Variants in ELAPOR1 observed in about 807,000 individuals in gnomAD.
ELAPOR1 encodes endosome-lysosome associated apoptosis and autophagy regulator 1.
Under a neutral mutation model 119.7 loss-of-function variants are expected in ELAPOR1, and 77 were observed. The ratio of observed to expected loss-of-function variants is 0.64; its 90% confidence interval spans 0.54 to 0.78. The LOEUF (loss-of-function observed/expected upper bound fraction) is 0.78. Among genes scored for constraint, ELAPOR1 ranks in the 30% least tolerant of loss-of-function variants. ELAPOR1 has a pLI of 0.00. For synonymous variants in ELAPOR1, 481 were observed against 487.2 expected (o/e 0.99, Z 0.17); for missense variants, 1,115 against 1,270.4 (o/e 0.88, Z 1.86).
At chr1:109,133,669 G>A (rs1649289385) in intron 1 of ELAPOR1, among the ~76,000 whole-genome samples, 1 of 152,112 alleles carries the variant, frequency 6.6e-6, no homozygotes, top group African/African-American at 2.4e-5. Flanking sequence ...TTAGGCCAGG[G>A]TAATTTTCTT....
intron 7 of ELAPOR1, among the ~76,000 whole-genome samples, chr1:109,179,147 T>TCCTA (rs1652539807): frequency 6.6e-6 from 1 of 151,826 alleles, no homozygotes; most frequent in Non-Finnish European, 1.5e-5. Flanking sequence ...ACACCTGTAA[T>TCCTA]CCTACCACTT....
At chr1:109,177,509 A>T (rs111761046) in intron 7 of ELAPOR1, among the ~76,000 whole-genome samples, 1 of 65,578 alleles carries the variant, frequency 1.5e-5, no homozygotes, top group African/African-American at 9.3e-5. Context: ...GGCGGCCGGG[A>T]AGAGGCGCTC....
rs900575606 is a variant in ELAPOR1 at position 109,205,922 on chromosome 1, T to C, written c.*2910T>C. 1.3e-5 allele frequency: 2 copies of C among 152,228 alleles called. No individual in the cohort carries two copies. Among genetic ancestry groups the C allele is most frequent in the South Asian group, 2.1e-4 (1 of 4,832 alleles). 9.4% of individuals were successfully genotyped at this position (152,228 alleles called of 1,614,324 possible). ...GCTTTATTGAGATATAATTCACATA[T>C]TACACAATTCACCTTTAAAACATAC... On this transcript the variant is annotated 3_prime_UTR_variant, in exon 22 of 22. Transcript: ENST00000369939.
chr1:109,193,800 G>A (rs960401273), intron 14 of ELAPOR1, among the ~76,000 whole-genome samples: 1 of 152,086 alleles, frequency 6.6e-6, no homozygotes, highest in African/African-American at 2.4e-5. Flanking sequence ...AACCTCTTTC[G>A]GGTACCCTGG....
At chr1:109,173,872 A>G in intron 7 of ELAPOR1, 35 bp downstream of exon 7, 1 of 1,609,026 alleles carries the variant, frequency 6.2e-7, no homozygotes, top group Non-Finnish European at 8.5e-7. Context: ...GTTTGGGGAT[A>G]GAGAGTACCA....
intron 1 of ELAPOR1, among the ~76,000 whole-genome samples, chr1:109,122,138 C>G (rs1442027179): frequency 6.7e-6 from 1 of 150,018 alleles, no homozygotes; most frequent in Admixed American, 6.7e-5. Context: ...GGTGCAATCT[C>G]AGCTCACTGC....
intron 2 of ELAPOR1, among the ~76,000 whole-genome samples, 156 bp downstream of exon 2, chr1:109,162,170 G>A (rs1651308765): frequency 1.3e-5 from 2 of 152,214 alleles, no homozygotes; most frequent in South Asian, 4.1e-4. Context: ...ACCCTTATGA[G>A]ATTTGGTGCA....
chr1:109,178,134 C>T (rs1481946657), intron 7 of ELAPOR1, among the ~76,000 whole-genome samples: 2 of 151,302 alleles, frequency 1.3e-5, no homozygotes, highest in South Asian at 2.1e-4. Flanking sequence ...CTCAGCCTCC[C>T]GAGTAACTAG....
At chr1:109,158,954 G>A (rs866236015) in intron 1 of ELAPOR1, among the ~76,000 whole-genome samples, 24 of 149,334 alleles carry the variant, frequency 1.6e-4, no homozygotes, top group African/African-American at 5.0e-4. Flanking sequence ...GTAAAGTGGC[G>A]TGATCTTGGC....
rs372411009 is a variant in ELAPOR1, at chr1:109,161,356, G to A, written c.154-538G>A. Among the ~76,000 whole-genome samples, 62 of 139,722 alleles carry A rather than the reference G, an allele frequency of 4.4e-4. No individual in the cohort carries two copies. In the South Asian group the frequency reaches 0.013, roughly 29 times the overall value. The allele number at this position is 139,722 out of a possible 152,430, so 91.7% of individuals were successfully genotyped here. On this transcript the variant is annotated intron_variant, in intron 1 of 21. Coordinates refer to ENST00000369939, the MANE Select transcript of ELAPOR1 (RefSeq NM_020775.5). ...ACCCAGGAGGCGGAGGTTACGGTGA[G>A]CCAAGATCATCCCACTGCACTCCAG...
intron 3 of ELAPOR1, among the ~76,000 whole-genome samples, chr1:109,168,484 A>G (rs1314114505): frequency 2.0e-5 from 3 of 152,198 alleles, no homozygotes; most frequent in African/African-American, 7.2e-5. Flanking sequence ...CGGAGTCTCC[A>G]TGGCAGGATT....
intron 1 of ELAPOR1, among the ~76,000 whole-genome samples, chr1:109,121,773 C>CTT (rs10714498): frequency 6.7e-5 from 9 of 134,264 alleles, no homozygotes; most frequent in South Asian, 2.3e-4. Context: ...CTGTGTATTA[C>CTT]TTTTTTTTTT....
chr1:109,150,029 C>G (rs550427302), intron 1 of ELAPOR1, among the ~76,000 whole-genome samples: 11 of 152,368 alleles, frequency 7.2e-5, no homozygotes, highest in Admixed American at 7.2e-4. Flanking sequence ...GCAGTCCTGT[C>G]TCCCTCACGG....
rs1653258752 is a variant in ELAPOR1, at chr1:109,189,133, G to A, written c.1287G>A (p.Leu429=). Residue 429 remains leucine, a synonymous_variant, in exon 10 of 22, where the codon CTG becomes CTA. Coordinates refer to ENST00000369939, the MANE Select transcript of ELAPOR1 (RefSeq NM_020775.5). ...TTGAATACAAATGGTGGAACACGCT[G>A]CCCACAAACATGGAAACGACCGTTC... The part of the protein sequence containing the change: ...VGFEYKWWNT[L]PTNMETTVLS... The A allele has an allele frequency of 2.5e-6, 4 of 1,614,004 alleles. No individual in the cohort carries two copies. The highest frequency in any genetic ancestry group is 3.4e-6 in the Non-Finnish European group (4 of 1,180,008).
rs1293298259 is a variant in ELAPOR1 at position 109,182,358 on chromosome 1, AATAAT to A, written c.953-2686_953-2682del. Reference sequence around the variant, plus strand: ...AAATAATAATAATAATAATAATAATAATAATTCCCAAACATGCAGGTAATAATAGT... The same window carrying A: ...AAATAATAATAATAATAATAATAATATCCCAAACATGCAGGTAATAATAGT... On this transcript the variant is annotated intron_variant, in intron 7 of 21. Transcript: ENST00000369939. Among the ~76,000 whole-genome samples the A allele has an allele frequency of 4.0e-4, 42 of 105,104 alleles. 1 individual carries two copies. The East Asian group carries it at 0.014, about 35-fold the overall frequency. 69.0% of individuals were successfully genotyped at this position (105,104 alleles called of 152,430 possible). A position where few individuals can be genotyped will look rare whatever the true frequency, so the allele number is the denominator to read the frequency against.
intron 12 of ELAPOR1, 87 bp downstream of exon 12, chr1:109,191,558 C>G: frequency 7.3e-7 from 1 of 1,370,284 alleles, no homozygotes; most frequent in South Asian, 1.2e-5. Context: ...GTGACTGACA[C>G]CCCCCCTTGT....
chr1:109,204,445 T>C lies in ELAPOR1; in HGVS notation c.*1433T>C, dbSNP rs1216972345. ...GTTCCAGCCTTATCCTCTGTTGGGT[T>C]TACCCACAGACATAGCAAACCCTGT... On this transcript the variant is annotated 3_prime_UTR_variant, in exon 22 of 22. Coordinates refer to ENST00000369939, the MANE Select transcript of ELAPOR1 (RefSeq NM_020775.5). 6.6e-6 allele frequency: 1 copy of C among 152,240 alleles called. No homozygotes were observed. The highest frequency in any genetic ancestry group is 1.5e-5 in the Non-Finnish European group (1 of 68,062). 9.4% of individuals were successfully genotyped at this position (152,240 alleles called of 1,614,324 possible). A position where few individuals can be genotyped will look rare whatever the true frequency, so the allele number is the denominator to read the frequency against.
In ELAPOR1 at chr1:109,192,880, TGTAGTCTG is replaced by T. The variant is rs1653542168; in HGVS notation, c.1947+8_1947+15del. The T allele has an allele frequency of 6.2e-7, 1 of 1,613,250 alleles. No individual in the cohort carries two copies. Among genetic ancestry groups the T allele is most frequent in the Admixed American group, 1.7e-5 (1 of 59,886 alleles). On this transcript the variant is annotated splice_region_variant and intron_variant, in intron 14 of 21. Transcript: ENST00000369939. Reference sequence around the variant, plus strand: ...CAGGGACCAAGAACAACAAGGTACCTGTAGTCTGGCATGCATCCTAAACCTGACCCTCT... The same window carrying T: ...CAGGGACCAAGAACAACAAGGTACCTGCATGCATCCTAAACCTGACCCTCT...
intron 3 of ELAPOR1, among the ~76,000 whole-genome samples, chr1:109,171,058 T>C (rs1231459608): frequency 6.6e-6 from 1 of 152,190 alleles, no homozygotes; most frequent in Non-Finnish European, 1.5e-5. Flanking sequence ...ACTGAGTTAT[T>C]TGACAGCTTT....
Sources: gnomAD v4.1 joint callset for allele counts (sites outside exome capture counted in the v4.1 genomes callset) on GRCh38, gnomAD v4.1.1 for gene constraint, MANE v1.5 for transcripts, NCBI Gene and HGNC (gene_info 2026-07-23, HGNC 2026-07-21) for gene names.